TNRC6B: variants seen among roughly 807,000 people sequenced by gnomAD.
The protein encoded by TNRC6B is trinucleotide repeat-containing gene 6B protein.
A neutral mutation model predicts 203.6 loss-of-function variants in TNRC6B; 52 were observed. The ratio of observed to expected loss-of-function variants is 0.26; its 90% confidence interval spans 0.20 to 0.32. The LOEUF is 0.32. Among genes scored for constraint, TNRC6B ranks in the 10% least tolerant of loss-of-function variants. The probability of loss-of-function intolerance (pLI) is 1.00; values close to 1 mark genes in which losing one functional copy is unlikely to be tolerated. For synonymous variants in TNRC6B, 838 were observed against 845.7 expected (o/e 0.99, Z 0.16); for missense variants, 1,923 against 2,286.2 (o/e 0.84, Z 3.24).
intron 4 of TNRC6B, among the ~76,000 whole-genome samples, chr22:40,263,692 T>C (rs1238126597): frequency 6.6e-6 from 1 of 152,212 alleles, no homozygotes; most frequent in Non-Finnish European, 1.5e-5. Flanking sequence ...CCAAATATGG[T>C]AAATTCCACC....
intron 12 of TNRC6B, among the ~76,000 whole-genome samples, chr22:40,297,164 A>G (rs1174508769): frequency 6.6e-6 from 1 of 152,246 alleles, no homozygotes; most frequent in African/African-American, 2.4e-5. Context: ...ACTCTACTTT[A>G]ACAGGCCGTT....
intron 1 of TNRC6B, among the ~76,000 whole-genome samples, chr22:40,047,168 C>T (rs962101004): frequency 1.3e-5 from 2 of 152,122 alleles, no homozygotes; most frequent in Non-Finnish European, 2.9e-5. Flanking sequence ...TTAGTCTCAA[C>T]GTCTGTCTGG....
chr22:40,070,246 G>A (rs1208390316), intron 1 of TNRC6B, among the ~76,000 whole-genome samples: 1 of 152,044 alleles, frequency 6.6e-6, no homozygotes, highest in African/African-American at 2.4e-5. Context: ...TTCATTTCTT[G>A]TAGCTGTTCT....
chr22:40,296,363 G>A (rs1489034669), intron 12 of TNRC6B, among the ~76,000 whole-genome samples: 4 of 136,826 alleles, frequency 2.9e-5, no homozygotes, highest in South Asian at 2.2e-4. Context: ...ACAGAGTTTC[G>A]CTCTGTCGCC....
At chr22:40,268,918 AT>A (rs2070518720) in intron 5 of TNRC6B, among the ~76,000 whole-genome samples, 5 of 147,450 alleles carry the variant, frequency 3.4e-5, no homozygotes, top group African/African-American at 1.2e-4. Context: ...GTCTCAAAAA[AT>A]AATAATAATA....
At chr22:40,221,593 C>T (rs748468177) in intron 1 of TNRC6B, among the ~76,000 whole-genome samples, 1 of 152,118 alleles carries the variant, frequency 6.6e-6, no homozygotes, top group Non-Finnish European at 1.5e-5. Flanking sequence ...GTGTGTGCCA[C>T]CATGCCCAGC....
intron 3 of TNRC6B, among the ~76,000 whole-genome samples, chr22:40,154,765 T>C (rs4821928): frequency 0.68 from 92,158 of 135,854 alleles, 32,796 homozygotes; most frequent in African/African-American, 0.91. Context: ...GGTGTGAACC[T>C]GGGAGGCAGA....
intron 3 of TNRC6B, among the ~76,000 whole-genome samples, chr22:40,149,103 A>C (rs904933172): frequency 3.3e-5 from 5 of 152,262 alleles, no homozygotes; most frequent in African/African-American, 1.2e-4. Context: ...CTTTATTTGC[A>C]GTAGCAAAAA....
chr22:40,076,485 A>G lies in TNRC6B; in HGVS notation c.-121+31487A>G, dbSNP rs368778202. Among the ~76,000 whole-genome samples, 56 of 152,254 alleles carry G rather than the reference A, an allele frequency of 3.7e-4. 1 individual carries two copies. Among genetic ancestry groups the G allele is most frequent in the African/African-American group, 1.3e-3 (55 of 41,542 alleles). ...CTTTTTTGAAGGCTATTTTTGCTGG[A>G]TATCAAATTTTAGATAGACAGTTTC... On this transcript the variant is annotated intron_variant, in intron 1 of 23. Transcript: ENST00000301923.
intron 3 of TNRC6B, among the ~76,000 whole-genome samples, chr22:40,259,118 C>T (rs959722096): frequency 6.6e-6 from 1 of 152,144 alleles, no homozygotes; most frequent in Non-Finnish European, 1.5e-5. Flanking sequence ...CTATAGAATC[C>T]TCCAGTAACA....
intron 1 of TNRC6B, among the ~76,000 whole-genome samples, chr22:40,075,136 TCA>T (rs2067995245): frequency 1.1e-5 from 1 of 93,512 alleles, no homozygotes; most frequent in South Asian, 3.8e-4. Context: ...TTGGTTCTGT[TCA>T]TATATATATA....
intron 16 of TNRC6B, among the ~76,000 whole-genome samples, chr22:40,309,246 C>T (rs2071138420): frequency 1.3e-5 from 2 of 152,202 alleles, no homozygotes; most frequent in African/African-American, 4.8e-5. Context: ...TAAAAGGTCT[C>T]AGAACCTTCC....
At chr22:40,098,601 G>A (rs2068206513) in intron 1 of TNRC6B, among the ~76,000 whole-genome samples, 1 of 152,028 alleles carries the variant, frequency 6.6e-6, no homozygotes, top group Admixed American at 6.5e-5. Flanking sequence ...GTAGTGAAAT[G>A]TATTAGTAAT....
intron 1 of TNRC6B, among the ~76,000 whole-genome samples, chr22:40,216,135 G>A (rs181457596): frequency 6.6e-6 from 1 of 152,286 alleles, no homozygotes; most frequent in Admixed American, 6.5e-5. Context: ...GCATAGCCTT[G>A]GCCCATGCCG....
intron 1 of TNRC6B, among the ~76,000 whole-genome samples, chr22:40,079,000 G>C (rs755894112): frequency 2.6e-5 from 4 of 151,908 alleles, no homozygotes; most frequent in Non-Finnish European, 4.4e-5. Flanking sequence ...CATGAACTCG[G>C]GAGGCAGAGG....
intron 1 of TNRC6B, among the ~76,000 whole-genome samples, chr22:40,092,737 G>A (rs930686307): frequency 1.3e-5 from 2 of 152,094 alleles, no homozygotes; most frequent in Non-Finnish European, 2.9e-5. Flanking sequence ...CTCAAATGCC[G>A]GCCTCTGGTC....
chr22:40,302,081 T>C (rs2071031098), intron 15 of TNRC6B, among the ~76,000 whole-genome samples: 1 of 152,214 alleles, frequency 6.6e-6, no homozygotes, highest in African/African-American at 2.4e-5. Context: ...CATTTGATAT[T>C]AGTATTTCAT....
intron 15 of TNRC6B, among the ~76,000 whole-genome samples, chr22:40,302,632 C>CAAA (rs200078286): frequency 1.4e-5 from 1 of 70,454 alleles, no homozygotes; most frequent in Non-Finnish European, 2.8e-5. Context: ...GACCCCATCT[C>CAAA]AAAAAAAAAA....
chr22:40,189,577 C>T (rs1327985886), intron 1 of TNRC6B, among the ~76,000 whole-genome samples: 7 of 151,224 alleles, frequency 4.6e-5, no homozygotes, highest in South Asian at 2.1e-4. Context: ...GATTTCTTAA[C>T]GTCTTTAGGG....
Sources: gnomAD v4.1 joint callset for allele counts (sites outside exome capture counted in the v4.1 genomes callset) on GRCh38, gnomAD v4.1.1 for gene constraint, MANE v1.5 for transcripts, NCBI Gene and HGNC (gene_info 2026-07-23, HGNC 2026-07-21) for gene names.